The following PGCKA1 variants were observed in gnomAD, a reference collection of about 807,000 sequenced individuals.
PGCKA1 encodes the protein PDCD10 and GCKIII kinases associated 1.
At chr4:37,548,698 CATT>C in the PGCKA1 span, among the ~76,000 whole-genome samples, 1 of 152,044 alleles carries the variant, frequency 6.6e-6, no homozygotes, top group African/African-American at 2.4e-5. Flanking sequence ...ATACAAGAAA[CATT>C]ATTAAACATA....
At chr4:37,467,276 T>C in the PGCKA1 span, among the ~76,000 whole-genome samples, 1 of 152,196 alleles carries the variant, frequency 6.6e-6, no homozygotes, top group Non-Finnish European at 1.5e-5. Flanking sequence ...TATAATTAGC[T>C]CTTAACAGAA....
At chr4:37,549,272 A>G in the PGCKA1 span, among the ~76,000 whole-genome samples, 1 of 152,212 alleles carries the variant, frequency 6.6e-6, no homozygotes, top group South Asian at 2.1e-4. Context: ...CACTCTGCCA[A>G]ATAACTGGAG....
chr4:37,519,689 A>G, the PGCKA1 span, among the ~76,000 whole-genome samples: 5,299 of 152,256 alleles, frequency 0.035, 337 homozygotes, highest in African/African-American at 0.12. Context: ...TTCTAAATAT[A>G]ACATCACAAC....
At chr4:37,570,720 CTAT>C in the PGCKA1 span, among the ~76,000 whole-genome samples, 1 of 152,348 alleles carries the variant, frequency 6.6e-6, no homozygotes, top group Admixed American at 6.5e-5. Flanking sequence ...ATGTTCCATT[CTAT>C]TGTATCTCCT....
At chr4:37,547,373 G>GT in the PGCKA1 span, among the ~76,000 whole-genome samples, 1 of 152,162 alleles carries the variant, frequency 6.6e-6, no homozygotes, top group East Asian at 1.9e-4. Context: ...CTTTTTAAGT[G>GT]TTTTTTGTTT....
chr4:37,465,745 C>T, the PGCKA1 span, among the ~76,000 whole-genome samples: 2 of 152,086 alleles, frequency 1.3e-5, no homozygotes, highest in African/African-American at 2.4e-5. Flanking sequence ...GTCTCGGGTT[C>T]GATTCACCCT....
chr4:37,465,409 G>A, the PGCKA1 span, among the ~76,000 whole-genome samples: 4 of 152,092 alleles, frequency 2.6e-5, no homozygotes, highest in East Asian at 5.8e-4. Context: ...TGGTGTGGAT[G>A]GCTTCCCTGA....
the PGCKA1 span, among the ~76,000 whole-genome samples, chr4:37,553,746 G>A: frequency 6.6e-6 from 1 of 152,120 alleles, no homozygotes; most frequent in Non-Finnish European, 1.5e-5. Context: ...TTGGTATTAG[G>A]CATCTTTAAA....
At chr4:37,538,984 T>C in the PGCKA1 span, among the ~76,000 whole-genome samples, 1 of 152,202 alleles carries the variant, frequency 6.6e-6, no homozygotes, top group African/African-American at 2.4e-5. Context: ...GTAGGGTAGA[T>C]GCATGTCGCA....
At chr4:37,568,281 C>T in the PGCKA1 span, among the ~76,000 whole-genome samples, 1 of 152,200 alleles carries the variant, frequency 6.6e-6, no homozygotes, top group African/African-American at 2.4e-5. Context: ...ATTTCTTTGG[C>T]TCCTGGGAAC....
chr4:37,498,570 A>G, the PGCKA1 span, among the ~76,000 whole-genome samples: 3 of 152,126 alleles, frequency 2.0e-5, no homozygotes, highest in East Asian at 1.9e-4. Flanking sequence ...TGTGTTGTCT[A>G]TGATTTCTTT....
chr4:37,592,337 G>A, the PGCKA1 span, among the ~76,000 whole-genome samples: 46 of 134,118 alleles, frequency 3.4e-4, no homozygotes, highest in South Asian at 2.4e-3. Context: ...GCAATTTAGC[G>A]AGACCCCATC....
the PGCKA1 span, among the ~76,000 whole-genome samples, chr4:37,584,620 C>A: frequency 6.6e-6 from 1 of 152,128 alleles, no homozygotes; most frequent in East Asian, 1.9e-4. Context: ...GGGCAGTTTT[C>A]GAGTACGGCT....
chr4:37,471,237 T>C, the PGCKA1 span, among the ~76,000 whole-genome samples: 2 of 152,204 alleles, frequency 1.3e-5, no homozygotes, highest in Non-Finnish European at 2.9e-5. Flanking sequence ...CAGAAATAAC[T>C]TGATTGGTTA....
the PGCKA1 span, among the ~76,000 whole-genome samples, chr4:37,521,863 ACCC>A: frequency 1.8e-4 from 27 of 152,022 alleles, no homozygotes; most frequent in Admixed American, 2.6e-4. Context: ...AGATCTGGAT[ACCC>A]CAGTGTTAGG....
At chr4:37,486,454 A>C in the PGCKA1 span, among the ~76,000 whole-genome samples, 2 of 152,190 alleles carry the variant, frequency 1.3e-5, no homozygotes, top group Non-Finnish European at 1.5e-5. Context: ...ACAGTTAATC[A>C]TTCTGCCGAG....
the PGCKA1 span, among the ~76,000 whole-genome samples, chr4:37,536,503 G>A: frequency 1.6e-4 from 24 of 152,302 alleles, 1 homozygote; most frequent in South Asian, 3.7e-3. Flanking sequence ...CTGGACTGGG[G>A]CATGGAGAAT....
chr4:37,554,502 C>G, the PGCKA1 span, among the ~76,000 whole-genome samples: 1 of 152,094 alleles, frequency 6.6e-6, no homozygotes, highest in African/African-American at 2.4e-5. Flanking sequence ...CATGTGCCAC[C>G]ACGCCTGGCT....
chr4:37,464,435 A>G, the PGCKA1 span, among the ~76,000 whole-genome samples: 3 of 152,146 alleles, frequency 2.0e-5, no homozygotes, highest in Non-Finnish European at 4.4e-5. Context: ...TAAAACTGGG[A>G]CGCTAACTAC....
Sources: gnomAD v4.1 joint callset for allele counts (sites outside exome capture counted in the v4.1 genomes callset) on GRCh38, gnomAD v4.1.1 for gene constraint, MANE v1.5 for transcripts, NCBI Gene and HGNC (gene_info 2026-07-23, HGNC 2026-07-21) for gene names.